SMYD3: variants seen among roughly 807,000 people sequenced by gnomAD.
SMYD3 encodes SET and MYND domain containing 3.
In SMYD3, 36 loss-of-function variants were observed where a neutral mutation model predicts 57.7. That is an observed-to-expected ratio of 0.62 (90% CI 0.48 to 0.82). The LOEUF (loss-of-function observed/expected upper bound fraction) is 0.82, where lower values mean the gene tolerates loss of function less well. Among genes scored for constraint, SMYD3 ranks in the 40% least tolerant of loss-of-function variants. The probability of loss-of-function intolerance (pLI) is 0.00; values close to 1 mark genes in which losing one functional copy is unlikely to be tolerated. For synonymous variants in SMYD3, 211 were observed against 195.0 expected, an observed-to-expected ratio of 1.08 and a Z score of -0.68; for missense variants, 515 against 538.8, an observed-to-expected ratio of 0.96 and a Z score of 0.44.
At chr1:245,834,695 G>C (rs2050017493) in intron 10 of SMYD3, among the ~76,000 whole-genome samples, 1 of 152,156 alleles carries the variant, frequency 6.6e-6, no homozygotes, top group Admixed American at 6.5e-5. Context: ...GAGGATCACG[G>C]CAACACAGGG....
Position 245,990,143 on chromosome 1 carries a change from C to T in SMYD3, c.532-60206G>A, listed in dbSNP as rs183651035. Among the ~76,000 whole-genome samples the T allele has an allele frequency of 6.6e-5, 10 of 152,270 alleles. 1 individual carries two copies. The East Asian group carries it at 1.9e-3, about 29-fold the overall frequency. On this transcript the variant is annotated intron_variant, in intron 5 of 11. Transcript: ENST00000490107. Reference sequence around the variant, plus strand: ...GGAGTGCAGTGGTGTGATCATGGCTCACTGCAACCTTGACTTCCTGGGCTA... The same window carrying T: ...GGAGTGCAGTGGTGTGATCATGGCTTACTGCAACCTTGACTTCCTGGGCTA...
chr1:246,122,447 G>A (rs1229864226), intron 5 of SMYD3, among the ~76,000 whole-genome samples: 1 of 152,066 alleles, frequency 6.6e-6, no homozygotes, highest in African/African-American at 2.4e-5. Flanking sequence ...CCCTTATGAA[G>A]GTGTATTCGT....
At position 246,166,296 on chromosome 1, in the gene SMYD3, GA is replaced by G. The variant is rs540084998; in HGVS notation, c.531+160904del. 5.9e-5 allele frequency among the ~76,000 whole-genome samples: 9 copies of G among 151,970 alleles called. No homozygotes were observed. The South Asian group carries it at 1.9e-3, about 32-fold the overall frequency. ...GCCACGTTCCCTTCACAGTCCTAAA[GA>G]AAAAAAGGTACATGTTTGTATAGGG... On this transcript the variant is annotated intron_variant, in intron 5 of 11. Coordinates refer to ENST00000490107, the MANE Select transcript of SMYD3 (RefSeq NM_001167740.2).
chr1:245,841,474 C>T (rs1414632285), intron 10 of SMYD3, among the ~76,000 whole-genome samples: 2 of 152,126 alleles, frequency 1.3e-5, no homozygotes, highest in Non-Finnish European at 2.9e-5. Flanking sequence ...GTATTTCTAA[C>T]AATTAAACAT....
chr1:246,406,433 T>G (rs1037938819), intron 1 of SMYD3, among the ~76,000 whole-genome samples: 2 of 152,192 alleles, frequency 1.3e-5, no homozygotes, highest in Admixed American at 6.5e-5. Flanking sequence ...ATCGGAGCTC[T>G]GGTAAAGATG....
At chr1:245,972,719 G>A (rs2058331688) in intron 5 of SMYD3, among the ~76,000 whole-genome samples, 1 of 152,196 alleles carries the variant, frequency 6.6e-6, no homozygotes, top group South Asian at 2.1e-4. Context: ...GAGACTGTGG[G>A]CTGGCCCTGC....
chr1:245,813,784 C>A (rs2048625360), intron 10 of SMYD3, among the ~76,000 whole-genome samples: 1 of 147,112 alleles, frequency 6.8e-6, no homozygotes, highest in Non-Finnish European at 1.5e-5. Context: ...AAGAGAAAGG[C>A]AAGATGTTGA....
chr1:246,160,015 T>C (rs1394483749), intron 5 of SMYD3, among the ~76,000 whole-genome samples: 1 of 152,136 alleles, frequency 6.6e-6, no homozygotes, highest in Non-Finnish European at 1.5e-5. Flanking sequence ...GTAGGTTAAG[T>C]TGACTCAGCT....
chr1:246,123,850 C>CAACG (rs1327431677), intron 5 of SMYD3, among the ~76,000 whole-genome samples: 1 of 151,960 alleles, frequency 6.6e-6, no homozygotes. Context: ...TACATAGGAA[C>CAACG]CGTTAACGAA....
intron 10 of SMYD3, among the ~76,000 whole-genome samples, chr1:245,839,372 T>C (rs1215807723): frequency 6.6e-6 from 1 of 151,902 alleles, no homozygotes; most frequent in Non-Finnish European, 1.5e-5. Context: ...GGTTTCACCG[T>C]GTTAGCCAGG....
chr1:245,830,695 G>A (rs182494352), intron 10 of SMYD3, among the ~76,000 whole-genome samples: 35 of 152,284 alleles, frequency 2.3e-4, no homozygotes, highest in African/African-American at 5.3e-4. Context: ...AAAGCTTAGC[G>A]ATAACAGATT....
intron 1 of SMYD3, among the ~76,000 whole-genome samples, chr1:246,411,975 TAAA>T (rs59193144): frequency 1.1e-3 from 66 of 60,378 alleles, no homozygotes; most frequent in East Asian, 3.4e-3. Context: ...TAAAGTATAA[TAAA>T]AAAAAAAAAA....
chr1:246,446,724 C>T (rs896135823), intron 1 of SMYD3, among the ~76,000 whole-genome samples: 3 of 152,116 alleles, frequency 2.0e-5, no homozygotes, highest in Admixed American at 1.3e-4. Context: ...TGCAGGAACA[C>T]GGTAATTTAG....
At chr1:246,415,995 T>C (rs1270140272) in intron 1 of SMYD3, among the ~76,000 whole-genome samples, 3 of 152,214 alleles carry the variant, frequency 2.0e-5, no homozygotes, top group Non-Finnish European at 2.9e-5. Context: ...AGAGAACTTA[T>C]ATTCTTTGTA....
At chr1:246,373,529 C>T (rs1002026312) in intron 1 of SMYD3, among the ~76,000 whole-genome samples, 2 of 152,066 alleles carry the variant, frequency 1.3e-5, no homozygotes, top group Non-Finnish European at 2.9e-5. Flanking sequence ...GAGAAGCTGA[C>T]AACTTACAAT....
chr1:246,296,856 C>A (rs1200905339), intron 5 of SMYD3, among the ~76,000 whole-genome samples: 1 of 152,004 alleles, frequency 6.6e-6, no homozygotes, highest in East Asian at 1.9e-4. Flanking sequence ...ATACTTAGTA[C>A]AGATAACATA....
chr1:245,793,221 A>G (rs1055995857), intron 10 of SMYD3, among the ~76,000 whole-genome samples: 1 of 151,792 alleles, frequency 6.6e-6, no homozygotes, highest in Non-Finnish European at 1.5e-5. Context: ...AGGCAGGAGA[A>G]TCGCTTGAAC....
chr1:246,097,637 T>C (rs1261931361), intron 5 of SMYD3, among the ~76,000 whole-genome samples: 1 of 151,974 alleles, frequency 6.6e-6, no homozygotes, highest in African/African-American at 2.4e-5. Flanking sequence ...CCACCCCAGT[T>C]TCCAACCAGT....
chr1:245,963,279 G>A (rs10924408), intron 5 of SMYD3, among the ~76,000 whole-genome samples: 20,403 of 152,096 alleles, frequency 0.13, 1,703 homozygotes, highest in East Asian at 0.41. Flanking sequence ...AATATACAGT[G>A]TTAAAAAAAA....
Sources: gnomAD v4.1 joint callset for allele counts (sites outside exome capture counted in the v4.1 genomes callset) on GRCh38, gnomAD v4.1.1 for gene constraint, MANE v1.5 for transcripts, NCBI Gene and HGNC (gene_info 2026-07-23, HGNC 2026-07-21) for gene names.